KLHL32: variants seen among roughly 807,000 people sequenced by gnomAD.
KLHL32 encodes the protein kelch like family member 32.
Under a neutral mutation model 64.8 loss-of-function variants are expected in KLHL32, and 35 were observed. The observed-to-expected ratio is 0.54, with a 90% confidence interval of 0.41 to 0.72. The LOEUF is 0.72. Among genes scored for constraint, KLHL32 ranks in the 30% least tolerant of loss-of-function variants. The pLI is 0.00. For synonymous variants in KLHL32, 259 were observed against 281.0 expected (o/e 0.92, Z 0.78); for missense variants, 589 against 768.5 (o/e 0.77, Z 2.76).
At chr6:96,944,501 C>T (rs938610603) in intron 1 of KLHL32, among the ~76,000 whole-genome samples, 1 of 152,212 alleles carries the variant, frequency 6.6e-6, no homozygotes, top group Non-Finnish European at 1.5e-5. Context: ...TATTCTACTA[C>T]AATGGCCCCA....
intron 7 of KLHL32, among the ~76,000 whole-genome samples, chr6:97,122,749 A>G (rs1302504873): frequency 6.6e-6 from 1 of 152,212 alleles, no homozygotes; most frequent in Non-Finnish European, 1.5e-5. Context: ...TCTGAAACCT[A>G]TGAGGAATGT....
At chr6:96,992,610 G>A (rs561621655) in intron 3 of KLHL32, among the ~76,000 whole-genome samples, 27 of 152,286 alleles carry the variant, frequency 1.8e-4, no homozygotes, top group African/African-American at 4.8e-4. Context: ...CAATACGTGC[G>A]CGCATGTGAG....
At chr6:97,126,756 T>C (rs898816970) in intron 7 of KLHL32, among the ~76,000 whole-genome samples, 1 of 152,194 alleles carries the variant, frequency 6.6e-6, no homozygotes, top group East Asian at 1.9e-4. Context: ...AATATCTTAA[T>C]AATTTTTATG....
At chr6:97,055,484 A>G (rs1298579492) in intron 4 of KLHL32, among the ~76,000 whole-genome samples, 4 of 152,090 alleles carry the variant, frequency 2.6e-5, no homozygotes, top group Admixed American at 6.5e-5. Context: ...CCTCTACTGC[A>G]TTCTATTGCT....
At chr6:96,939,757 G>T (rs1012767373) in intron 1 of KLHL32, among the ~76,000 whole-genome samples, 7 of 152,114 alleles carry the variant, frequency 4.6e-5, no homozygotes, top group Non-Finnish European at 1.5e-5. Flanking sequence ...GAAATGCCGA[G>T]AAGCCATTGA....
chr6:97,014,514 A>G (rs73499067), intron 3 of KLHL32, among the ~76,000 whole-genome samples: 12,173 of 152,194 alleles, frequency 0.08, 1,036 homozygotes, highest in Admixed American at 0.22. Flanking sequence ...ACAATAGTGA[A>G]ACAGTACACA....
chr6:96,916,115 A>G, the KLHL32 span, among the ~76,000 whole-genome samples: 1 of 151,784 alleles, frequency 6.6e-6, no homozygotes, highest in Admixed American at 6.6e-5. Context: ...AAATTTATAG[A>G]CAAAAAAGTA....
At chr6:96,939,470 G>T (rs988026429) in intron 1 of KLHL32, among the ~76,000 whole-genome samples, 2 of 152,174 alleles carry the variant, frequency 1.3e-5, no homozygotes, top group African/African-American at 4.8e-5. Context: ...AGGAGGAGAG[G>T]TTCATGGCAT....
In KLHL32 at chr6:97,140,500, T is replaced by C. The variant is rs919759259; in HGVS notation, c.*1218T>C. 6.6e-6 allele frequency: 1 copy of C among 152,054 alleles called. No individual in the cohort carries two copies. The highest frequency in any genetic ancestry group is 2.4e-5 in the African/African-American group (1 of 41,454). The allele number at this position is 152,054 out of a possible 1,614,324, so 9.4% of individuals were successfully genotyped here. ...TTTTAGACTAGTTTTTGGGTTTGCT[T>C]TGTCTATAACAAAAAATAAATACAA... On this transcript the variant is annotated 3_prime_UTR_variant, in exon 11 of 11. Transcript: ENST00000369261.
chr6:96,959,822 C>T (rs1582483500), intron 1 of KLHL32, among the ~76,000 whole-genome samples: 1 of 152,164 alleles, frequency 6.6e-6, no homozygotes, highest in East Asian at 1.9e-4. Context: ...GTCTTATGGT[C>T]CTATTTTTCA....
chr6:97,034,963 C>T (rs1182825600), intron 3 of KLHL32, among the ~76,000 whole-genome samples: 2 of 151,970 alleles, frequency 1.3e-5, no homozygotes, highest in African/African-American at 4.8e-5. Context: ...ACTTTTTCCT[C>T]TCCCATTTGG....
chr6:97,029,447 A>G (rs1212428861), intron 3 of KLHL32, among the ~76,000 whole-genome samples: 2 of 152,164 alleles, frequency 1.3e-5, no homozygotes, highest in Admixed American at 6.5e-5. Flanking sequence ...TACAGATATT[A>G]ATTTGTGTTG....
the KLHL32 span, among the ~76,000 whole-genome samples, chr6:96,901,042 A>G: frequency 6.6e-6 from 1 of 152,166 alleles, no homozygotes; most frequent in Non-Finnish European, 1.5e-5. Flanking sequence ...AAAACAAACT[A>G]GGCTTTGTGC....
intron 3 of KLHL32, among the ~76,000 whole-genome samples, chr6:96,998,866 G>A (rs1778699122): frequency 6.6e-6 from 1 of 152,168 alleles, no homozygotes; most frequent in South Asian, 2.1e-4. Context: ...ATGGTAAACT[G>A]ATCGTTATTT....
intron 3 of KLHL32, among the ~76,000 whole-genome samples, chr6:97,034,409 C>A (rs1201999797): frequency 6.6e-6 from 1 of 152,128 alleles, no homozygotes; most frequent in Non-Finnish European, 1.5e-5. Flanking sequence ...GTTTTGATTA[C>A]TGTAGCTTTG....
At chr6:97,085,965 A>G (rs1212997080) in intron 6 of KLHL32, among the ~76,000 whole-genome samples, 2 of 152,152 alleles carry the variant, frequency 1.3e-5, no homozygotes, top group Non-Finnish European at 2.9e-5. Flanking sequence ...TTTGAAGTTG[A>G]TTATTCAATT....
intron 4 of KLHL32, among the ~76,000 whole-genome samples, chr6:97,064,255 T>G (rs1425364547): frequency 6.6e-6 from 1 of 152,204 alleles, no homozygotes; most frequent in Non-Finnish European, 1.5e-5. Flanking sequence ...TGAAATATAC[T>G]TTGAAAAACT....
intron 1 of KLHL32, among the ~76,000 whole-genome samples, chr6:96,954,666 T>G (rs1773050698): frequency 6.6e-6 from 1 of 152,146 alleles, no homozygotes; most frequent in African/African-American, 2.4e-5. Context: ...CTCTCTTTGT[T>G]TTTCAGATGG....
intron 3 of KLHL32, chr6:96,999,457 C>G: frequency 1.5e-6 from 1 of 656,520 alleles, no homozygotes; most frequent in Non-Finnish European, 1.9e-6. Flanking sequence ...TCAAAAACAT[C>G]AATAAAATAA....
Sources: gnomAD v4.1 joint callset for allele counts (sites outside exome capture counted in the v4.1 genomes callset) on GRCh38, gnomAD v4.1.1 for gene constraint, MANE v1.5 for transcripts, NCBI Gene and HGNC (gene_info 2026-07-23, HGNC 2026-07-21) for gene names.